RASGEF1C: variants seen among roughly 807,000 people sequenced by gnomAD.
The protein encoded by RASGEF1C is ras-GEF domain-containing family member 1C.
Under a neutral mutation model 58.1 loss-of-function variants are expected in RASGEF1C, and 27 were observed. The observed-to-expected ratio is 0.46, with a 90% CI of 0.34 to 0.64. The LOEUF (loss-of-function observed/expected upper bound fraction) is 0.64, where lower values mean the gene tolerates loss of function less well. RASGEF1C is among the 30% of genes least tolerant of loss of function. RASGEF1C has a pLI of 0.01. For missense variants in RASGEF1C, 502 were observed against 605.1 expected, an observed-to-expected ratio of 0.83 and a Z score of 1.79; for synonymous variants, 243 against 246.3, an observed-to-expected ratio of 0.99 and a Z score of 0.13.
At chr5:180,179,651 C>A (rs1343478750) in intron 1 of RASGEF1C, among the ~76,000 whole-genome samples, 3 of 152,218 alleles carry the variant, frequency 2.0e-5, no homozygotes, top group Non-Finnish European at 4.4e-5. Flanking sequence ...ACGCGTCCTG[C>A]CACTGGGCGT....
At chr5:180,186,840 C>T (rs1756051070) in intron 1 of RASGEF1C, among the ~76,000 whole-genome samples, 1 of 152,148 alleles carries the variant, frequency 6.6e-6, no homozygotes, top group African/African-American at 2.4e-5. Flanking sequence ...GTGGCACATG[C>T]CTGTAATGCC....
chr5:180,144,058 G>C (rs1288373293), intron 1 of RASGEF1C, among the ~76,000 whole-genome samples: 2 of 152,176 alleles, frequency 1.3e-5, no homozygotes, highest in African/African-American at 4.8e-5. Context: ...ACTGGTGCAC[G>C]AAGTACCTCG....
chr5:180,114,605 G>A (rs1766033562), intron 10 of RASGEF1C, 64 bp from the exon 11 acceptor site: 4 of 1,494,404 alleles, frequency 2.7e-6, no homozygotes, highest in African/African-American at 1.4e-5. Flanking sequence ...CCAGGACGGG[G>A]GGCAGCCTTG....
chr5:180,149,642 G>C (rs1433261602), intron 1 of RASGEF1C, among the ~76,000 whole-genome samples: 1 of 151,672 alleles, frequency 6.6e-6, no homozygotes, highest in Non-Finnish European at 1.5e-5. Context: ...TTTTAGTAGA[G>C]ATGGGGTTTC....
chr5:180,126,064 A>C (rs982700805), intron 6 of RASGEF1C, among the ~76,000 whole-genome samples: 1 of 151,634 alleles, frequency 6.6e-6, no homozygotes, highest in Non-Finnish European at 1.5e-5. Flanking sequence ...GATGTATTTC[A>C]CAATAAAAAA....
rs1229650943 is a variant in RASGEF1C, at chr5:180,137,374, C to T, written c.300+216G>A. Among the ~76,000 whole-genome samples the T allele has an allele frequency of 6.6e-6, 1 of 152,160 alleles. No homozygotes were observed. Among genetic ancestry groups the T allele is most frequent in the African/African-American group, 2.4e-5 (1 of 41,432 alleles). ...TACTCAGGTCTGGGCTTAATGGGCTCAAGGGTTCCCGTCGGGCACTGGAAA... is the reference window on the plus strand; with the variant it reads ...TACTCAGGTCTGGGCTTAATGGGCTTAAGGGTTCCCGTCGGGCACTGGAAA... On this transcript the variant is annotated intron_variant, in intron 3 of 13. Coordinates refer to ENST00000361132, the MANE Select transcript of RASGEF1C (RefSeq NM_175062.4). The surrounding 1 kb of genome is among the most constrained non-coding windows in gnomAD (Gnocchi z 4.1).
intron 12 of RASGEF1C, among the ~76,000 whole-genome samples, chr5:180,107,284 T>A (rs1165865318): frequency 1.3e-5 from 2 of 152,208 alleles, no homozygotes; most frequent in Non-Finnish European, 2.9e-5. Flanking sequence ...ATGTTAGGAC[T>A]TAAGTCTGCC....
At chr5:180,126,937 C>T (rs1203736611) in intron 6 of RASGEF1C, among the ~76,000 whole-genome samples, 2 of 152,104 alleles carry the variant, frequency 1.3e-5, no homozygotes, top group South Asian at 2.1e-4. Context: ...AGTGTGTCTT[C>T]CACAATGTGT....
chr5:180,135,900 C>T (rs1163463613), intron 4 of RASGEF1C, among the ~76,000 whole-genome samples: 2 of 152,254 alleles, frequency 1.3e-5, no homozygotes, highest in Non-Finnish European at 2.9e-5. Context: ...CAGATGTGGC[C>T]ATTTTCCTTG....
intron 1 of RASGEF1C, among the ~76,000 whole-genome samples, chr5:180,152,655 T>G (rs1253921595): frequency 1.3e-5 from 2 of 150,788 alleles, no homozygotes; most frequent in African/African-American, 4.9e-5. Flanking sequence ...ATGGCACATG[T>G]ATACATATGT....
chr5:180,192,049 T>C (rs34351120), intron 1 of RASGEF1C, among the ~76,000 whole-genome samples: 20,722 of 152,244 alleles, frequency 0.14, 1,589 homozygotes, highest in Middle Eastern at 0.17. Context: ...GCAGAGTCTC[T>C]CTCTAGCTTC....
Position 180,182,204 on chromosome 5 carries a change from C to CAAAAAAAAAAA in RASGEF1C, c.-7+26813_-7+26823dup, listed in dbSNP as rs1156831010. Among the ~76,000 whole-genome samples the CAAAAAAAAAAA allele has an allele frequency of 7.4e-3, 169 of 22,758 alleles. 6 individuals are homozygous for CAAAAAAAAAAA. Among genetic ancestry groups the CAAAAAAAAAAA allele is most frequent in the African/African-American group, 7.7e-3 (50 of 6,510 alleles). The allele number at this position is 22,758 out of a possible 152,430, so 14.9% of individuals were successfully genotyped here. ...TGGGCAACAGAGCAAGACTCCGTCT[C>CAAAAAAAAAAA]AAAAAAAAAAAAAAAAAAAAAAAAA... On this transcript the variant is annotated intron_variant, in intron 1 of 13. Transcript: ENST00000361132.
chr5:180,111,665 C>G (rs559735722), intron 11 of RASGEF1C, 85 bp from the exon 12 acceptor site: 1 of 1,482,542 alleles, frequency 6.7e-7, no homozygotes, highest in East Asian at 2.3e-5. Flanking sequence ...CTGGCAGAGA[C>G]CCTCTCAACA....
rs558871551 is a variant in RASGEF1C, at chr5:180,182,144, G to C, written c.-7+26884C>G. 3.0e-3 allele frequency among the ~76,000 whole-genome samples: 411 copies of C among 137,594 alleles called. 6 individuals are homozygous for C. The highest frequency in any genetic ancestry group is 0.011 in the African/African-American group (394 of 35,432). The allele number at this position is 137,594 out of a possible 152,430, so 90.3% of individuals were successfully genotyped here. A position where few individuals can be genotyped will look rare whatever the true frequency, so the allele number is the denominator to read the frequency against. On this transcript the variant is annotated intron_variant, in intron 1 of 13. Coordinates refer to ENST00000361132, the MANE Select transcript of RASGEF1C (RefSeq NM_175062.4). ...GGCGGGAACCCGGGAGGTGGAGCTT[G>C]CAGTGAGTCGAGATCGCGCCACTGA...
rs1767241847 is a variant in RASGEF1C, at chr5:180,177,083, C to T, written c.-7+31945G>A. ...ACGAGGGGTTTCCAAGGGACGGCAA[C>T]TTTTGCCAGCATGGAGGAGGACCAG... On this transcript the variant is annotated intron_variant, in intron 1 of 13. Coordinates refer to ENST00000361132, the MANE Select transcript of RASGEF1C (RefSeq NM_175062.4). The surrounding 1 kb of genome is among the most constrained non-coding windows in gnomAD (Gnocchi z 5.0). 6.6e-6 allele frequency among the ~76,000 whole-genome samples: 1 copy of T among 152,108 alleles called. No individual in the cohort carries two copies. Among genetic ancestry groups the T allele is most frequent in the Non-Finnish European group, 1.5e-5 (1 of 68,030 alleles).
chr5:180,149,612 C>G (rs112527098), intron 1 of RASGEF1C, among the ~76,000 whole-genome samples: 1 of 151,772 alleles, frequency 6.6e-6, no homozygotes, highest in Non-Finnish European at 1.5e-5. Context: ...TGCACCACCA[C>G]GCCCAGCTAA....
rs979486521 is a variant in RASGEF1C, at chr5:180,143,121, C to T, written c.-6-5063G>A. 4.6e-5 allele frequency among the ~76,000 whole-genome samples: 7 copies of T among 152,192 alleles called. No homozygotes were observed. The highest frequency in any genetic ancestry group is 1.0e-4 in the Non-Finnish European group (7 of 68,004). On this transcript the variant is annotated intron_variant, in intron 1 of 13. Transcript: ENST00000361132. This position sits in a 1 kb window ranked among gnomAD's most constrained non-coding sequence, Gnocchi z 4.3. The stretch of plus-strand genomic sequence containing the variant: ...CTGCAGCAGTTCAAGAGACAGCAGG[C>T]GAGGATTGTGTGGGGTCAGGTCTGC...
intron 6 of RASGEF1C, among the ~76,000 whole-genome samples, chr5:180,123,997 G>A (rs1223512993): frequency 6.6e-6 from 1 of 152,052 alleles, no homozygotes; most frequent in Non-Finnish European, 1.5e-5. Context: ...ACAGACTAAA[G>A]AAGAAACATA....
In RASGEF1C at chr5:180,113,057, T is replaced by C. The variant is rs1455895807; in HGVS notation, c.1179+1389A>G. 1.6e-3 allele frequency among the ~76,000 whole-genome samples: 66 copies of C among 42,532 alleles called. 1 individual carries two copies. Among genetic ancestry groups the C allele is most frequent in the South Asian group, 3.7e-3 (4 of 1,094 alleles). The allele number at this position is 42,532 out of a possible 152,430, so 27.9% of individuals were successfully genotyped here. On this transcript the variant is annotated intron_variant, in intron 11 of 13. Coordinates refer to ENST00000361132, the MANE Select transcript of RASGEF1C (RefSeq NM_175062.4). ...GAGGGACCGGGGATGGACGGAGGGA[T>C]CCGGGCTGGACGGAGGGACCGGGGA...
Sources: allele counts gnomAD v4.1 joint callset (sites outside exome capture counted in the v4.1 genomes callset), GRCh38; gene constraint gnomAD v4.1.1; non-coding constraint Gnocchi (gnomAD v3.1); transcripts MANE v1.5; gene names NCBI Gene and HGNC (gene_info 2026-07-23, HGNC 2026-07-21).